TMPRSS6: variants seen among roughly 807,000 people sequenced by gnomAD.
The protein encoded by TMPRSS6 is transmembrane serine protease 6, also known as transmembrane protease serine 6.
In TMPRSS6, 67 loss-of-function variants were observed where a neutral mutation model predicts 101.5. The ratio of observed to expected loss-of-function variants is 0.66; its 90% CI spans 0.54 to 0.81. The LOEUF is 0.81. TMPRSS6 is among the 30% of genes least tolerant of loss of function. The pLI, the probability that TMPRSS6 is intolerant of heterozygous loss-of-function variation, is 0.00. For synonymous variants in TMPRSS6, 453 were observed against 464.9 expected (o/e 0.97, Z 0.33); for missense variants, 1,034 against 1,088.7 (o/e 0.95, Z 0.71).
At chr22:37,088,443 G>C (rs768948309) in intron 7 of TMPRSS6, among the ~76,000 whole-genome samples, 3 of 152,152 alleles carry the variant, frequency 2.0e-5, no homozygotes, top group Non-Finnish European at 4.4e-5. Flanking sequence ...TCAGCCTGAC[G>C]CCCAGCACAA....
At chr22:37,094,897 T>C (rs1929615563) in intron 6 of TMPRSS6, among the ~76,000 whole-genome samples, 1 of 152,190 alleles carries the variant, frequency 6.6e-6, no homozygotes, top group Non-Finnish European at 1.5e-5. Context: ...TTAGGGGCCA[T>C]AGAGTCCAGC....
Position 37,103,542 on chromosome 22 carries a change from G to A in TMPRSS6, c.-1-124C>T, listed in dbSNP as rs1930513158. On this transcript the variant is annotated intron_variant, in intron 1 of 17. Coordinates refer to ENST00000676104, the MANE Select transcript of TMPRSS6 (RefSeq NM_001374504.1). This position sits in a 1 kb window ranked among gnomAD's most constrained non-coding sequence, Gnocchi z 4.4. ...TTGGAGTGGAAGAGTAACAACATCAGGCGGCAGTGACTGCAAGTGGGTGCC... is the reference window on the plus strand; with the variant it reads ...TTGGAGTGGAAGAGTAACAACATCAAGCGGCAGTGACTGCAAGTGGGTGCC... The A allele has an allele frequency of 6.2e-7, 1 of 1,613,908 alleles. No homozygotes were observed. The highest frequency in any genetic ancestry group is 8.5e-7 in the Non-Finnish European group (1 of 1,180,038).
In TMPRSS6 at chr22:37,103,522, GT is replaced by G. The variant is rs1377423785; in HGVS notation, c.-1-105del. 3 of 1,614,154 alleles carry G rather than the reference GT, an allele frequency of 1.9e-6. No individual in the cohort carries two copies. Among genetic ancestry groups the G allele is most frequent in the Non-Finnish European group, 2.5e-6 (3 of 1,180,044 alleles). ...AAGCAGGACTTCCCTGCCTTTTGGA[GT>G]GGAAGAGTAACAACATCAGGCGGCA... is the stretch of plus-strand genomic sequence containing the variant. On this transcript the variant is annotated intron_variant, in intron 1 of 17. Transcript: ENST00000676104. The surrounding 1 kb of genome is among the most constrained non-coding windows in gnomAD (Gnocchi z 4.4).
chr22:37,094,166 T>C (rs1488850245), intron 6 of TMPRSS6, among the ~76,000 whole-genome samples: 3 of 152,130 alleles, frequency 2.0e-5, no homozygotes, highest in South Asian at 2.1e-4. Context: ...AGGAGTAATA[T>C]CTCTGACTTA....
intron 7 of TMPRSS6, 139 bp downstream of exon 7, chr22:37,089,439 C>T: frequency 1.2e-6 from 1 of 830,292 alleles, no homozygotes; most frequent in South Asian, 1.6e-5. Context: ...CCCCTCTAAG[C>T]TAGCCGTCCT....
At chr22:37,079,021 A>AAGAAAGAAAG in intron 10 of TMPRSS6, among the ~76,000 whole-genome samples, 1 of 147,272 alleles carries the variant, frequency 6.8e-6, no homozygotes, top group Non-Finnish European at 1.5e-5. Flanking sequence ...AAGAAAGAGA[A>AAGAAAGAAAG]AGAGAGAAAG....
intron 1 of TMPRSS6, among the ~76,000 whole-genome samples, chr22:37,104,209 T>C (rs932089854): frequency 6.6e-6 from 1 of 152,174 alleles, no homozygotes; most frequent in Non-Finnish European, 1.5e-5. Flanking sequence ...CAGAGTGTTC[T>C]AGCACTAACT....
chr22:37,102,346 C>T (rs1269811960), intron 2 of TMPRSS6, among the ~76,000 whole-genome samples: 2 of 152,226 alleles, frequency 1.3e-5, no homozygotes, highest in Admixed American at 6.5e-5. Flanking sequence ...CAGAACCTGG[C>T]ACACAGGAGG....
At chr22:37,088,740 T>C (rs1928984469) in intron 7 of TMPRSS6, among the ~76,000 whole-genome samples, 1 of 152,240 alleles carries the variant, frequency 6.6e-6, no homozygotes, top group African/African-American at 2.4e-5. Context: ...AAATGGCTCC[T>C]GGCACTCAAT....
At chr22:37,071,224 G>T (rs1337476038) in intron 13 of TMPRSS6, among the ~76,000 whole-genome samples, 192 bp from the exon 14 acceptor site, 1 of 149,646 alleles carries the variant, frequency 6.7e-6, no homozygotes. Flanking sequence ...CCTCCACTCA[G>T]ACTGGCCTAT....
intron 3 of TMPRSS6, 61 bp from the exon 4 acceptor site, chr22:37,096,776 T>C: frequency 1.3e-6 from 2 of 1,488,366 alleles, no homozygotes; most frequent in South Asian, 2.4e-5. Flanking sequence ...GCCCACTTCC[T>C]ACCTGGAGGT....
intron 3 of TMPRSS6, 36 bp downstream of exon 3, chr22:37,098,380 T>G: frequency 1.2e-6 from 2 of 1,602,194 alleles, no homozygotes. Context: ...TTCACCCCCA[T>G]ATTCCCTCCC....
intron 1 of TMPRSS6, among the ~76,000 whole-genome samples, chr22:37,109,155 C>T (rs1930907751): frequency 2.6e-5 from 4 of 152,116 alleles, no homozygotes; most frequent in Admixed American, 2.0e-4. Context: ...AGGTGGGGTA[C>T]CGGGTGTGGA....
intron 17 of TMPRSS6, 53 bp downstream of exon 17, chr22:37,066,773 G>A (rs73160046): frequency 0.02 from 32,239 of 1,612,410 alleles, 433 homozygotes; most frequent in Non-Finnish European, 0.023. Flanking sequence ...CCCTGGTGAT[G>A]TGGGCAGCAT....
chr22:37,095,834 C>T, intron 5 of TMPRSS6, 72 bp downstream of exon 5: 3 of 1,589,340 alleles, frequency 1.9e-6, no homozygotes, highest in South Asian at 1.1e-5. Flanking sequence ...AGGCAGCCTC[C>T]CCGGGCCACA....
chr22:37,103,584 G>A lies in TMPRSS6; in HGVS notation c.-1-166C>T, dbSNP rs776314846. ...GTGGGTGCCGAGACAGCTCACAGAGGAGGGAAGTGCATCTCAGGTCAGCTC... is the reference window on the plus strand; with the variant it reads ...GTGGGTGCCGAGACAGCTCACAGAGAAGGGAAGTGCATCTCAGGTCAGCTC... On this transcript the variant is annotated intron_variant, in intron 1 of 17. Coordinates refer to ENST00000676104, the MANE Select transcript of TMPRSS6 (RefSeq NM_001374504.1). The surrounding 1 kb of genome is among the most constrained non-coding windows in gnomAD (Gnocchi z 4.4). 8 of 1,612,940 alleles carry A rather than the reference G, an allele frequency of 5.0e-6. No homozygotes were observed. The African/African-American group carries it at 6.7e-5, about 13-fold the overall frequency.
chr22:37,073,182 G>A (rs1927301761), intron 13 of TMPRSS6, among the ~76,000 whole-genome samples: 1 of 151,826 alleles, frequency 6.6e-6, no homozygotes. Context: ...ATGGATGGAT[G>A]GATGGATGGA....
At chr22:37,068,954 T>C in intron 16 of TMPRSS6, 119 bp downstream of exon 16, 1 of 1,462,082 alleles carries the variant, frequency 6.8e-7, no homozygotes, top group South Asian at 1.4e-5. Flanking sequence ...ATCCCAGCAC[T>C]AGAGGGCCTA....
Position 37,069,138 on chromosome 22 carries a change from C to A in TMPRSS6, c.2048G>T (p.Arg683Leu). 2 of 1,569,590 alleles carry A rather than the reference C, an allele frequency of 1.3e-6. No homozygotes were observed. Among genetic ancestry groups the A allele is most frequent in the South Asian group, 1.2e-5 (1 of 86,284 alleles). ...AAVRPVCLPA[R>L]SHFFEPGLHC... The stretch of plus-strand genomic sequence containing the variant: ...CAGGCCGGGCTCGAAGAAGTGGGAG[C>A]GCGCGGGCAGGCAGACGGGGCGCAC... The change falls in exon 16 of 18, where the codon CGC becomes CTC. Residue 683 changes from arginine to leucine, a missense_variant. Physicochemically the swap from Arg to Leu is moderately radical, Grantham distance 102. Transcript: ENST00000676104. This position sits in a 1 kb window ranked among gnomAD's most constrained non-coding sequence, Gnocchi z 4.8.
Sources: allele counts gnomAD v4.1 joint callset (sites outside exome capture counted in the v4.1 genomes callset), GRCh38; gene constraint gnomAD v4.1.1; non-coding constraint Gnocchi (gnomAD v3.1); transcripts MANE v1.5; gene names NCBI Gene and HGNC (gene_info 2026-07-23, HGNC 2026-07-21).